The following MAPK8IP3 variants were observed in gnomAD, a reference collection of about 807,000 sequenced individuals.
MAPK8IP3 encodes the protein C-Jun-amino-terminal kinase-interacting protein 3.
In MAPK8IP3, 49 loss-of-function variants were observed where a neutral mutation model predicts 157.8. The observed-to-expected ratio is 0.31, with a 90% CI of 0.25 to 0.39. The LOEUF is 0.39. MAPK8IP3 is among the 10% of genes least tolerant of loss of function. The pLI is 1.00. For missense variants in MAPK8IP3, 1,478 were observed against 1,889.4 expected (o/e 0.78, Z 4.04); for synonymous variants, 897 against 777.7 (o/e 1.15, Z -2.55).
intron 4 of MAPK8IP3, among the ~76,000 whole-genome samples, chr16:1,736,971 A>G (rs1182673952): frequency 3.0e-5 from 2 of 67,568 alleles, no homozygotes; most frequent in African/African-American, 1.2e-4. Flanking sequence ...CGTCCGTGTG[A>G]CCGTCCGTGT....
rs538890504 is a variant in MAPK8IP3 at position 1,729,569 on chromosome 16, C to T, written c.593C>T (p.Pro198Leu). The T allele has an allele frequency of 3.8e-6, 6 of 1,599,396 alleles. No homozygotes were observed. The highest frequency in any genetic ancestry group is 1.7e-5 in the Admixed American group (1 of 58,480). ...AACAGCCAGACCGAGAGCAGCCTGC[C>T]GGGGCGGAGGTACGCGGGGCGCGGC... ...GGNSQTESSLPGRSRKERPTS... is the reference protein window; with the variant it reads ...GGNSQTESSLLGRSRKERPTS... Residue 198 changes from proline to leucine, a missense_variant, in exon 4 of 32, where the codon CCG becomes CTG. Pro to Leu is a moderately conservative substitution (Grantham distance 98). Coordinates refer to ENST00000610761, the MANE Select transcript of MAPK8IP3 (RefSeq NM_001318852.2).
chr16:1,736,002 C>CCGTGAG (rs2039734949), intron 4 of MAPK8IP3, among the ~76,000 whole-genome samples: 1 of 121,216 alleles, frequency 8.2e-6, no homozygotes, highest in Admixed American at 8.7e-5. Context: ...ATCCGTGTGA[C>CCGTGAG]CGTCCATGTG....
rs914237909 is a variant in MAPK8IP3, at chr16:1,720,805, C to T, written c.319-3752C>T. Among the ~76,000 whole-genome samples the T allele has an allele frequency of 6.6e-5, 10 of 152,268 alleles. No homozygotes were observed. In the East Asian group the frequency reaches 1.9e-3, roughly 29 times the overall value. ...ATCCCAGCACTTTGGGAGGCAGAAG[C>T]AGGCGGATCACGAGGTCAGGGGATC... On this transcript the variant is annotated intron_variant, in intron 1 of 31. Coordinates refer to ENST00000610761, the MANE Select transcript of MAPK8IP3 (RefSeq NM_001318852.2).
rs1346077964 is a variant in MAPK8IP3, at chr16:1,706,319, CTGGCGGCGGCGGTGGCCGCGA to C, written c.-18_3del. On this transcript the variant is annotated start_lost and 5_prime_UTR_variant, in exon 1 of 32. Transcript: ENST00000610761. The surrounding 1 kb of genome is among the most constrained non-coding windows in gnomAD (Gnocchi z 5.1). ...CGCGCCGGCCGGATAGCGAGCCGCGCTGGCGGCGGCGGTGGCCGCGATGATGGAGATCCAGATGGACGAGGG... is the reference window on the plus strand; with the variant it reads ...CGCGCCGGCCGGATAGCGAGCCGCGCTGATGGAGATCCAGATGGACGAGGG... 2 of 1,532,772 alleles carry C rather than the reference CTGGCGGCGGCGGTGGCCGCGA, an allele frequency of 1.3e-6. No individual in the cohort carries two copies. The highest frequency in any genetic ancestry group is 1.8e-6 in the Non-Finnish European group (2 of 1,139,824). 94.9% of individuals were successfully genotyped at this position (1,532,772 alleles called of 1,614,324 possible).
Position 1,742,297 on chromosome 16 carries a change from G to A in MAPK8IP3, c.603-1035G>A, listed in dbSNP as rs1231825978. 1.3e-5 allele frequency among the ~76,000 whole-genome samples: 2 copies of A among 152,142 alleles called. No homozygotes were observed. Among genetic ancestry groups the A allele is most frequent in the Non-Finnish European group, 2.9e-5 (2 of 68,014 alleles). Reference sequence around the variant, plus strand: ...CCCTGCTCTTGCTTATGGCCCACAGGAGGTCATCCCTAGGGACTGAGCCCA... The same window carrying A: ...CCCTGCTCTTGCTTATGGCCCACAGAAGGTCATCCCTAGGGACTGAGCCCA... On this transcript the variant is annotated intron_variant, in intron 4 of 31. Coordinates refer to ENST00000610761, the MANE Select transcript of MAPK8IP3 (RefSeq NM_001318852.2). This position sits in a 1 kb window ranked among gnomAD's most constrained non-coding sequence, Gnocchi z 5.0.
chr16:1,731,458 C>G (rs2141746958), intron 4 of MAPK8IP3, among the ~76,000 whole-genome samples: 2 of 152,376 alleles, frequency 1.3e-5, no homozygotes, highest in East Asian at 3.9e-4. Context: ...CTCTGCCCTC[C>G]TCTTCACCTC....
chr16:1,752,998 GTGGCTGCCAAGCAGGGGAGAGCC>G (rs1176305064), intron 8 of MAPK8IP3, among the ~76,000 whole-genome samples: 2 of 152,198 alleles, frequency 1.3e-5, no homozygotes, highest in African/African-American at 4.8e-5. Context: ...ACGCCCTTGT[GTGGCTGCCAAGCAGGGGAGAGCC>G]TGGAGCCTGC....
At chr16:1,745,385 C>A (rs926482337) in intron 5 of MAPK8IP3, 1 of 155,104 alleles carries the variant, frequency 6.4e-6, no homozygotes, top group African/African-American at 2.4e-5. Context: ...TAGACAGGTT[C>A]TTTGAGAACG....
At chr16:1,733,628 G>A (rs1436094878) in intron 4 of MAPK8IP3, among the ~76,000 whole-genome samples, 1 of 152,200 alleles carries the variant, frequency 6.6e-6, no homozygotes, top group Non-Finnish European at 1.5e-5. Context: ...GCTGGGCGCC[G>A]CCCCCGTCCC....
chr16:1,767,029 G>C (rs2042310420), intron 25 of MAPK8IP3, 58 bp downstream of exon 25: 5 of 1,567,742 alleles, frequency 3.2e-6, no homozygotes, highest in African/African-American at 1.3e-5. Flanking sequence ...GCATTGTTTA[G>C]CCAAGGGGCT....
At chr16:1,763,824 AGGCGGGGCGGGGGTAAGG>A in intron 17 of MAPK8IP3, 41 bp downstream of exon 17, 2 of 341,218 alleles carry the variant, frequency 5.9e-6, no homozygotes, top group South Asian at 7.0e-5. Flanking sequence ...GGCCCCGCAG[AGGCGGGGCGGGGGTAAGG>A]GGCGGGGCGC....
chr16:1,707,374 C>G (rs1243625087), intron 1 of MAPK8IP3: 1 of 152,260 alleles, frequency 6.6e-6, no homozygotes, highest in African/African-American at 2.4e-5. Context: ...TCTTTGCCCC[C>G]TTGGTTCCTT....
intron 10 of MAPK8IP3, among the ~76,000 whole-genome samples, chr16:1,759,720 G>A (rs1596762891): frequency 6.6e-6 from 1 of 152,240 alleles, no homozygotes; most frequent in East Asian, 1.9e-4. Context: ...CGTCCGGCCA[G>A]CTGGCCTGTG....
Position 1,706,302 on chromosome 16 carries a change from C to T in MAPK8IP3, c.-38C>T, listed in dbSNP as rs974952082. 7 of 1,506,012 alleles carry T rather than the reference C, an allele frequency of 4.6e-6. No individual in the cohort carries two copies. In the Admixed American group the frequency reaches 6.2e-5, roughly 13 times the overall value. The allele number at this position is 1,506,012 out of a possible 1,614,324, so 93.3% of individuals were successfully genotyped here. ...AGCTGGGGAGGGCCGGGCGCGCCGGCCGGATAGCGAGCCGCGCTGGCGGCG... is the reference window on the plus strand; with the variant it reads ...AGCTGGGGAGGGCCGGGCGCGCCGGTCGGATAGCGAGCCGCGCTGGCGGCG... On this transcript the variant is annotated 5_prime_UTR_variant, in exon 1 of 32. Coordinates refer to ENST00000610761, the MANE Select transcript of MAPK8IP3 (RefSeq NM_001318852.2). This position sits in a 1 kb window ranked among gnomAD's most constrained non-coding sequence, Gnocchi z 5.1.
intron 4 of MAPK8IP3, among the ~76,000 whole-genome samples, chr16:1,740,294 G>A (rs1020333615): frequency 6.0e-5 from 9 of 149,022 alleles, no homozygotes; most frequent in South Asian, 2.2e-4. Flanking sequence ...CCGCATAACC[G>A]TGTGAGCATC....
rs188778373 is a variant in MAPK8IP3 at position 1,725,829 on chromosome 16, C to A, written c.439+1152C>A. On this transcript the variant is annotated intron_variant, in intron 2 of 31. Coordinates refer to ENST00000610761, the MANE Select transcript of MAPK8IP3 (RefSeq NM_001318852.2). ...TCTCCTGCCTCAGCTTCCCAAGTAG[C>A]TGGGACTACAGGTGCCCGCCACCAC... is the stretch of plus-strand genomic sequence containing the variant. Among the ~76,000 whole-genome samples, 69 of 151,960 alleles carry A rather than the reference C, an allele frequency of 4.5e-4. 1 individual carries two copies. Among genetic ancestry groups the A allele is most frequent in the African/African-American group, 1.5e-3 (64 of 41,494 alleles).
chr16:1,723,439 T>C (rs1034146495), intron 1 of MAPK8IP3, among the ~76,000 whole-genome samples: 4 of 152,024 alleles, frequency 2.6e-5, no homozygotes, highest in African/African-American at 9.7e-5. Context: ...CGTGAGCCAC[T>C]GTGCCCGGCC....
chr16:1,715,626 G>A (rs979084409), intron 1 of MAPK8IP3, among the ~76,000 whole-genome samples: 2 of 152,126 alleles, frequency 1.3e-5, no homozygotes, highest in Non-Finnish European at 2.9e-5. Flanking sequence ...GCACAAGAAC[G>A]AGATCTTTGA....
chr16:1,756,293 A>G (rs2041595044), intron 8 of MAPK8IP3, among the ~76,000 whole-genome samples: 1 of 152,236 alleles, frequency 6.6e-6, no homozygotes, highest in Admixed American at 6.5e-5. Context: ...CAGGTGGATC[A>G]TTTGAGCTGA....
Sources: gnomAD v4.1 joint callset for allele counts (sites outside exome capture counted in the v4.1 genomes callset) on GRCh38, gnomAD v4.1.1 for gene constraint, Gnocchi (gnomAD v3.1) non-coding constraint, MANE v1.5 for transcripts, NCBI Gene and HGNC (gene_info 2026-07-23, HGNC 2026-07-21) for gene names.